The following SIAH3 variants were observed in gnomAD, a reference collection of about 807,000 sequenced individuals.
The protein encoded by SIAH3 is seven in absentia homolog 3.
A neutral mutation model predicts 12.6 loss-of-function variants in SIAH3; 9 were observed. The ratio of observed to expected loss-of-function variants is 0.72; its 90% CI spans 0.43 to 1.25. SIAH3 has a LOEUF of 1.25. SIAH3 is among the 50% of genes most tolerant of loss of function. The probability of loss-of-function intolerance (pLI) is 0.00; values close to 1 mark genes in which losing one functional copy is unlikely to be tolerated. For synonymous variants in SIAH3, 154 were observed against 151.1 expected (o/e 1.02, Z -0.14); for missense variants, 390 against 365.4 (o/e 1.07, Z -0.55).
In SIAH3 at chr13:45,777,992, C is replaced by T. The variant is rs1950490259; in HGVS notation, c.*5391G>A. On this transcript the variant is annotated 3_prime_UTR_variant, in exon 2 of 2. Transcript: ENST00000400405. Reference sequence around the variant, plus strand: ...CCCCAGATTTAGAAAGAGTATTGGTCTGGGTAGGCTATGGATTGTGAACAG... The same window carrying T: ...CCCCAGATTTAGAAAGAGTATTGGTTTGGGTAGGCTATGGATTGTGAACAG... 6.6e-6 allele frequency: 1 copy of T among 152,180 alleles called. No individual in the cohort carries two copies. The highest frequency in any genetic ancestry group is 1.9e-4 in the East Asian group (1 of 5,194). 9.4% of individuals were successfully genotyped at this position (152,180 alleles called of 1,614,324 possible). A position where few individuals can be genotyped will look rare whatever the true frequency, so the allele number is the denominator to read the frequency against.
intron 1 of SIAH3, among the ~76,000 whole-genome samples, chr13:45,802,899 C>T (rs1007836940): frequency 4.6e-5 from 7 of 151,932 alleles, no homozygotes; most frequent in Admixed American, 4.6e-4. Flanking sequence ...TGGTGAAACC[C>T]CATCTCTACT....
At chr13:45,787,488 G>C (rs1480417743) in intron 1 of SIAH3, among the ~76,000 whole-genome samples, 1 of 152,160 alleles carries the variant, frequency 6.6e-6, no homozygotes, top group African/African-American at 2.4e-5. Context: ...CACCAAGTGG[G>C]GGAGGTAGCT....
chr13:45,784,554 G>T (rs1425453356), intron 1 of SIAH3, among the ~76,000 whole-genome samples: 1 of 146,912 alleles, frequency 6.8e-6, no homozygotes, highest in African/African-American at 2.5e-5. Flanking sequence ...TGTAGTCAGG[G>T]ATTGTCCTGT....
intron 1 of SIAH3, among the ~76,000 whole-genome samples, chr13:45,800,226 A>T (rs1387290201): frequency 6.6e-6 from 1 of 152,168 alleles, no homozygotes; most frequent in African/African-American, 2.4e-5. Context: ...GTAGTCTTGT[A>T]AACTGTTTTT....
At chr13:45,820,429 T>A (rs569221756) in intron 1 of SIAH3, among the ~76,000 whole-genome samples, 1 of 152,112 alleles carries the variant, frequency 6.6e-6, no homozygotes, top group South Asian at 2.1e-4. Flanking sequence ...GGTGAGGAGC[T>A]CCTTGTAATC....
At chr13:45,805,592 A>G (rs1465914927) in intron 1 of SIAH3, among the ~76,000 whole-genome samples, 7 of 152,116 alleles carry the variant, frequency 4.6e-5, no homozygotes, top group Non-Finnish European at 5.9e-5. Flanking sequence ...ATGGATTAAA[A>G]ACTGAAATGT....
chr13:45,788,834 C>G (rs1299270303), intron 1 of SIAH3, among the ~76,000 whole-genome samples: 1 of 152,206 alleles, frequency 6.6e-6, no homozygotes, highest in East Asian at 1.9e-4. Context: ...ATGGCAGGCC[C>G]TTGCTTCGAG....
chr13:45,783,699 T>C lies in SIAH3; in HGVS notation c.494A>G (p.His165Arg). 1 of 1,614,024 alleles carries C rather than the reference T, an allele frequency of 6.2e-7. No individual in the cohort carries two copies. The highest frequency in any genetic ancestry group is 1.3e-5 in the African/African-American group (1 of 75,000). Residue 165 changes from histidine (H) to arginine (R), a missense_variant, in exon 2 of 2, where the codon CAC (histidine) becomes CGC (arginine). His to Arg is a conservative substitution (Grantham distance 29). Coordinates refer to ENST00000400405, the MANE Select transcript of SIAH3 (RefSeq NM_198849.3). ...TTTCCTCAGCACCAACAGAAAGTGG[T>C]GGCCAAGGCAGGAGTGCATGATGAT... ...DWIIMHSCLG[H>R]HFLLVLRKQE...
intron 1 of SIAH3, among the ~76,000 whole-genome samples, chr13:45,793,580 A>C (rs1026433362): frequency 6.6e-6 from 1 of 152,200 alleles, no homozygotes; most frequent in African/African-American, 2.4e-5. Flanking sequence ...CCGAAGTGTC[A>C]GCACAGTGAT....
chr13:45,784,596 T>C (rs1344694305), intron 1 of SIAH3, among the ~76,000 whole-genome samples: 1 of 145,500 alleles, frequency 6.9e-6, no homozygotes, highest in African/African-American at 2.5e-5. Flanking sequence ...TCCTAAGGCA[T>C]CTGGTGGGAT....
At chr13:45,801,099 G>GCA (rs1555257361) in intron 1 of SIAH3, among the ~76,000 whole-genome samples, 3 of 125,902 alleles carry the variant, frequency 2.4e-5, no homozygotes, top group African/African-American at 8.3e-5. Context: ...GGGTGGCGGG[G>GCA]GGGGGCATGG....
At chr13:45,838,199 A>C (rs1000101827) in intron 1 of SIAH3, among the ~76,000 whole-genome samples, 13 of 152,180 alleles carry the variant, frequency 8.5e-5, no homozygotes, top group Non-Finnish European at 1.0e-4. Flanking sequence ...CCACACAAGG[A>C]AGCAAGCCAG....
rs368580183 is a variant in SIAH3 at position 45,811,708 on chromosome 13, C to G, written c.136-27651G>C. Among the ~76,000 whole-genome samples, 10 of 152,342 alleles carry G rather than the reference C, an allele frequency of 6.6e-5. No individual in the cohort carries two copies. In the South Asian group the frequency reaches 2.1e-3, roughly 32 times the overall value. ...GCATCTCAGGAAACCACTTCAGGAT[C>G]CTAGCGTTCTGAAGTCAGAGTTCAG... On this transcript the variant is annotated intron_variant, in intron 1 of 1. Coordinates refer to ENST00000400405, the MANE Select transcript of SIAH3 (RefSeq NM_198849.3).
chr13:45,784,184 A>C (rs200755983), intron 1 of SIAH3, 127 bp from the exon 2 acceptor site: 2 of 836,622 alleles, frequency 2.4e-6, no homozygotes, highest in Non-Finnish European at 1.8e-6. Context: ...CATTTCTTAA[A>C]CAACAAACAA....
intron 1 of SIAH3, among the ~76,000 whole-genome samples, chr13:45,849,918 G>T (rs894804937): frequency 5.3e-5 from 8 of 152,148 alleles, no homozygotes; most frequent in Non-Finnish European, 7.3e-5. Context: ...AATAATGGAA[G>T]TTTGAATGCA....
In SIAH3 at chr13:45,782,574, C is replaced by G. The variant is rs890213877; in HGVS notation, c.*809G>C. 1.3e-5 allele frequency: 2 copies of G among 152,168 alleles called. No individual in the cohort carries two copies. 9.4% of individuals were successfully genotyped at this position (152,168 alleles called of 1,614,324 possible). On this transcript the variant is annotated 3_prime_UTR_variant, in exon 2 of 2. Coordinates refer to ENST00000400405, the MANE Select transcript of SIAH3 (RefSeq NM_198849.3). Reference sequence around the variant, plus strand: ...TCCTGTTGCTTTTCATCCCCACCCCCCATCTTGCCTATTCTTTTCTACTAC... The same window carrying G: ...TCCTGTTGCTTTTCATCCCCACCCCGCATCTTGCCTATTCTTTTCTACTAC...
chr13:45,829,449 T>TA (rs918149481), intron 1 of SIAH3, among the ~76,000 whole-genome samples: 1 of 151,662 alleles, frequency 6.6e-6, no homozygotes, highest in South Asian at 2.1e-4. Context: ...CAAAAAATAA[T>TA]AAAAAAAATA....
At chr13:45,797,416 T>A (rs1417208820) in intron 1 of SIAH3, among the ~76,000 whole-genome samples, 1 of 152,122 alleles carries the variant, frequency 6.6e-6, no homozygotes, top group Non-Finnish European at 1.5e-5. Flanking sequence ...CATTTCCCCA[T>A]CCTCTAAGGG....
chr13:45,807,154 A>G (rs1950600850), intron 1 of SIAH3, among the ~76,000 whole-genome samples: 1 of 152,188 alleles, frequency 6.6e-6, no homozygotes, highest in Admixed American at 6.5e-5. Flanking sequence ...AAAATGCTAC[A>G]GAAGAACTCT....
Sources: allele counts gnomAD v4.1 joint callset (sites outside exome capture counted in the v4.1 genomes callset), GRCh38; gene constraint gnomAD v4.1.1; transcripts MANE v1.5; gene names NCBI Gene and HGNC (gene_info 2026-07-23, HGNC 2026-07-21).